FOXN3: variants seen among roughly 807,000 people sequenced by gnomAD.
FOXN3 encodes the protein forkhead box protein N3.
Under a neutral mutation model 38.4 loss-of-function variants are expected in FOXN3, and 7 were observed. The observed-to-expected ratio is 0.18, with a 90% CI of 0.10 to 0.34. FOXN3 has a LOEUF of 0.34. Ranked by LOEUF, FOXN3 falls within the 10% of genes least tolerant of loss-of-function variation. The probability of loss-of-function intolerance (pLI) is 1.00; values close to 1 mark genes in which losing one functional copy is unlikely to be tolerated. For missense variants in FOXN3, 456 were observed against 613.4 expected, an observed-to-expected ratio of 0.74 and a Z score of 2.71; for synonymous variants, 230 against 242.2, an observed-to-expected ratio of 0.95 and a Z score of 0.47.
chr14:89,569,474 G>A (rs1037377137), intron 1 of FOXN3, among the ~76,000 whole-genome samples: 9 of 152,090 alleles, frequency 5.9e-5, no homozygotes, highest in African/African-American at 1.9e-4. Context: ...TCCATGAGGC[G>A]GCTGTGTGAT....
At chr14:89,401,592 C>A in intron 2 of FOXN3, 1 of 456,034 alleles carries the variant, frequency 2.2e-6, no homozygotes, top group South Asian at 1.5e-5. Context: ...CTCCCTGTAC[C>A]TTGATTCTTG....
intron 1 of FOXN3, among the ~76,000 whole-genome samples, chr14:89,549,355 G>A (rs1376656147): frequency 6.6e-6 from 1 of 151,590 alleles, no homozygotes; most frequent in Admixed American, 6.6e-5. Flanking sequence ...AGCTAATTCA[G>A]GCAACAAAAA....
chr14:89,525,863 T>G (rs906723801), intron 1 of FOXN3, among the ~76,000 whole-genome samples: 3 of 151,978 alleles, frequency 2.0e-5, no homozygotes, highest in Non-Finnish European at 2.9e-5. Context: ...ACATAAAAAT[T>G]CTTAACAAAA....
At position 89,303,716 on chromosome 14, in the gene FOXN3, A is replaced by G. The variant is rs78037877; in HGVS notation, c.681-22702T>C. On this transcript the variant is annotated intron_variant, in intron 3 of 5. Transcript: ENST00000557258. ...TGAGTTTGGTGATCTACAGAAAAGA[A>G]AAGGAAAACTGAAGAAACAATACAA... Among the ~76,000 whole-genome samples the G allele has an allele frequency of 3.2e-3, 493 of 152,330 alleles. 7 individuals carry two copies. The highest frequency in any genetic ancestry group is 0.011 in the African/African-American group (453 of 41,574).
intron 1 of FOXN3, among the ~76,000 whole-genome samples, chr14:89,483,749 C>T (rs1893391320): frequency 6.6e-6 from 1 of 152,180 alleles, no homozygotes; most frequent in African/African-American, 2.4e-5. Context: ...CCTGCCCTGG[C>T]TCAGCCGGTT....
chr14:89,283,805 C>G (rs118100627), intron 3 of FOXN3, among the ~76,000 whole-genome samples: 6 of 152,304 alleles, frequency 3.9e-5, no homozygotes, highest in Non-Finnish European at 8.8e-5. Context: ...AGTAATCAAC[C>G]CTTTTCCATG....
At chr14:89,471,024 T>C (rs899515501) in intron 1 of FOXN3, among the ~76,000 whole-genome samples, 5 of 152,116 alleles carry the variant, frequency 3.3e-5, no homozygotes. Flanking sequence ...AGTGAACATG[T>C]AGGAGGGAAG....
intron 1 of FOXN3, among the ~76,000 whole-genome samples, chr14:89,571,406 G>A (rs1489914257): frequency 6.6e-6 from 1 of 151,974 alleles, no homozygotes; most frequent in African/African-American, 2.4e-5. Flanking sequence ...CTACTCAGGA[G>A]GCTGAGGCAG....
chr14:89,591,355 C>T (rs1011403179), intron 1 of FOXN3, among the ~76,000 whole-genome samples: 8 of 152,186 alleles, frequency 5.3e-5, no homozygotes, highest in African/African-American at 1.9e-4. Flanking sequence ...AGAATGCCAG[C>T]ACCCAGGTTT....
intron 1 of FOXN3, among the ~76,000 whole-genome samples, chr14:89,524,337 T>C (rs1335207788): frequency 9.2e-6 from 1 of 108,840 alleles, no homozygotes; most frequent in African/African-American, 3.5e-5. Context: ...ATCGCACCAC[T>C]GCACTCCAGC....
chr14:89,379,679 C>T (rs1048271605), intron 2 of FOXN3, among the ~76,000 whole-genome samples: 12 of 151,884 alleles, frequency 7.9e-5, no homozygotes, highest in African/African-American at 1.7e-4. Context: ...AGATGAGTTT[C>T]GCTCTTTCGC....
At chr14:89,572,572 T>C (rs953586811) in intron 1 of FOXN3, among the ~76,000 whole-genome samples, 7 of 152,232 alleles carry the variant, frequency 4.6e-5, no homozygotes, top group African/African-American at 1.4e-4. Flanking sequence ...AAAGCCACCC[T>C]TCATCCTACC....
At chr14:89,314,912 A>T (rs1887676614) in intron 3 of FOXN3, among the ~76,000 whole-genome samples, 4 of 152,194 alleles carry the variant, frequency 2.6e-5, no homozygotes, top group Admixed American at 6.5e-5. Flanking sequence ...AGACACTCTC[A>T]TAAACTCAGC....
intron 2 of FOXN3, among the ~76,000 whole-genome samples, chr14:89,363,963 T>TATATTATATATATA (rs1566968893): frequency 3.7e-5 from 1 of 27,084 alleles, no homozygotes; most frequent in African/African-American, 1.1e-4. Context: ...TATATATATA[T>TATATTATATATATA]ATATATATAT....
intron 2 of FOXN3, among the ~76,000 whole-genome samples, chr14:89,352,191 A>T (rs945553854): frequency 6.6e-6 from 1 of 152,174 alleles, no homozygotes; most frequent in African/African-American, 2.4e-5. Context: ...CTTAAACATC[A>T]ATGTTCTCAG....
chr14:89,478,486 C>T (rs1005799192), intron 1 of FOXN3, among the ~76,000 whole-genome samples: 2 of 152,128 alleles, frequency 1.3e-5, no homozygotes, highest in Non-Finnish European at 2.9e-5. Context: ...TAGATTAATT[C>T]TCACTTAAAT....
Position 89,581,293 on chromosome 14 carries a change from C to T in FOXN3, c.-15+37735G>A, listed in dbSNP as rs932631549. ...GGTCAGGAGTTTGAGACCAGCCTGG[C>T]CAACATAGTGAAACCCCGTCTCTAC... On this transcript the variant is annotated intron_variant, in intron 1 of 6. Transcript: ENST00000345097. 2.0e-5 allele frequency among the ~76,000 whole-genome samples: 3 copies of T among 151,812 alleles called. No homozygotes were observed. In the East Asian group the frequency reaches 5.8e-4, roughly 30 times the overall value.
chr14:89,413,965 TGGA>T (rs148455780), intron 1 of FOXN3, among the ~76,000 whole-genome samples: 18,137 of 101,746 alleles, frequency 0.18, 1,478 homozygotes, highest in South Asian at 0.33. Context: ...GGAGGAGGGA[TGGA>T]GGAGGAGGAG....
chr14:89,345,721 C>A (rs907672108), intron 3 of FOXN3, among the ~76,000 whole-genome samples: 2 of 152,120 alleles, frequency 1.3e-5, no homozygotes, highest in Non-Finnish European at 2.9e-5. Flanking sequence ...TGAGAACATA[C>A]GTTTTCCATT....
Sources: allele counts gnomAD v4.1 joint callset (sites outside exome capture counted in the v4.1 genomes callset), GRCh38; gene constraint gnomAD v4.1.1; transcripts MANE v1.5; gene names NCBI Gene and HGNC (gene_info 2026-07-23, HGNC 2026-07-21).